The following PER2 variants were observed in gnomAD, a reference collection of about 807,000 sequenced individuals.
The protein encoded by PER2 is period circadian protein homolog 2.
PER2 carries 66 observed loss-of-function variants against 121.0 expected under a neutral mutation model. The ratio of observed to expected loss-of-function variants is 0.55; its 90% CI spans 0.45 to 0.67. The LOEUF is 0.67. Ranked by LOEUF, PER2 falls within the 30% of genes least tolerant of loss-of-function variation. The pLI, the probability that PER2 is intolerant of heterozygous loss-of-function variation, is 0.00. For synonymous variants in PER2, 684 were observed against 659.9 expected, an observed-to-expected ratio of 1.04 and a Z score of -0.56; for missense variants, 1,521 against 1,635.0, an observed-to-expected ratio of 0.93 and a Z score of 1.20.
Position 238,253,548 on chromosome 2 carries a change from G to A in PER2, c.2475C>T (p.Gly825=). ...AGGGTGACCAGGCTGTGGCGTTCAA[G>A]CCCACCAGCGGGGGCCGGGCGGACA... The part of the protein sequence containing the change: ...GPVSARPPLV[G]LNATAWSPSD... Residue 825 remains glycine (G), a synonymous_variant, in exon 19 of 23, where the codon GGC becomes GGT. Transcript: ENST00000254657. This position sits in a 1 kb window ranked among gnomAD's most constrained non-coding sequence, Gnocchi z 5.6. 2 of 1,611,168 alleles carry A rather than the reference G, an allele frequency of 1.2e-6. No individual in the cohort carries two copies. The highest frequency in any genetic ancestry group is 1.1e-5 in the South Asian group (1 of 90,808).
intron 9 of PER2, among the ~76,000 whole-genome samples, chr2:238,264,937 G>C (rs1368348138): frequency 2.6e-5 from 4 of 152,198 alleles, no homozygotes; most frequent in African/African-American, 7.2e-5. Context: ...ACTGCACCTA[G>C]CCGGCCCAAG....
At chr2:238,290,374 G>T (rs965497008), upstream of PER2, among the ~76,000 whole-genome samples, 2 of 151,126 alleles carry the variant, frequency 1.3e-5, no homozygotes, top group African/African-American at 4.9e-5. Context: ...AGGCTCTTTT[G>T]TTTCTTCCCT....
chr2:238,276,138 G>A (rs900686490), intron 3 of PER2, among the ~76,000 whole-genome samples: 1 of 146,126 alleles, frequency 6.8e-6, no homozygotes, highest in African/African-American at 2.6e-5. Context: ...TGGTCTGGGT[G>A]GCCCTTTGTG....
chr2:238,275,684 T>G (rs1042618929), intron 4 of PER2, 59 bp downstream of exon 4: 29 of 1,539,454 alleles, frequency 1.9e-5, no homozygotes, highest in Middle Eastern at 2.2e-4. Flanking sequence ...AAGCTATAAT[T>G]TGGGGGGATT....
At chr2:238,269,104 C>A in intron 6 of PER2, 130 bp from the exon 7 acceptor site, 1 of 738,106 alleles carries the variant, frequency 1.4e-6, no homozygotes, top group Non-Finnish European at 2.4e-6. Context: ...TTTATGGAAG[C>A]ACAAAGTAAA....
At chr2:238,287,418 G>T (rs746986068) in intron 1 of PER2, among the ~76,000 whole-genome samples, 1 of 152,260 alleles carries the variant, frequency 6.6e-6, no homozygotes, top group Non-Finnish European at 1.5e-5. Context: ...AGAAGCCCCA[G>T]GTGGGGGTAG....
rs1293782168 is a variant in PER2 at position 238,269,022 on chromosome 2, C to T, written c.773-48G>A. On this transcript the variant is annotated intron_variant, in intron 6 of 22. Transcript: ENST00000254657. Reference sequence around the variant, plus strand: ...ATTCATCCAAACCAACAACTAAATACAGTGTTCCTCATTTCTCACAAACAA... The same window carrying T: ...ATTCATCCAAACCAACAACTAAATATAGTGTTCCTCATTTCTCACAAACAA... 3.7e-6 allele frequency: 5 copies of T among 1,339,842 alleles called. No homozygotes were observed. In the African/African-American group the frequency reaches 5.7e-5, roughly 15 times the overall value. 83.0% of individuals were successfully genotyped at this position (1,339,842 alleles called of 1,614,324 possible).
In PER2 at chr2:238,250,588, C is replaced by A. The variant is rs772163525; in HGVS notation, c.3430G>T (p.Asp1144Tyr). The change falls in exon 21 of 23, where the codon GAC (aspartate) becomes TAC (tyrosine). Residue 1144 changes from aspartate (D) to tyrosine (Y), a missense_variant. Coordinates refer to ENST00000254657, the MANE Select transcript of PER2 (RefSeq NM_022817.3). ...DPIWLLMADA[D>Y]SSVMMTYQLP... ...TGGTACGTCATCATGACGCTGCTGTCCGCATCTGCCATCAGCAGCCAGATG... is the reference window on the plus strand; with the variant it reads ...TGGTACGTCATCATGACGCTGCTGTACGCATCTGCCATCAGCAGCCAGATG... The A allele has an allele frequency of 6.2e-7, 1 of 1,613,572 alleles. No individual in the cohort carries two copies. Among genetic ancestry groups the A allele is most frequent in the East Asian group, 2.2e-5 (1 of 44,882 alleles).
At position 238,256,971 on chromosome 2, in the gene PER2, G is replaced by A. The variant is rs1695780641; in HGVS notation, c.2016C>T (p.Tyr672=). Residue 672 remains tyrosine (Y), a synonymous_variant, in exon 17 of 23, where the codon TAC becomes TAT. Transcript: ENST00000254657. ...CTCCCACATGGACGATGGTGCTGCTGTAGCTGCACTGGCTGGTGAGCGACG... is the reference window on the plus strand; with the variant it reads ...CTCCCACATGGACGATGGTGCTGCTATAGCTGCACTGGCTGGTGAGCGACG... ...SVASLTSQCS[Y]SSTIVHVGDK... 2.5e-6 allele frequency: 4 copies of A among 1,614,064 alleles called. No homozygotes were observed. In the South Asian group the frequency reaches 3.3e-5, roughly 13 times the overall value.
At position 238,273,925 on chromosome 2, in the gene PER2, CAA is replaced by C. The variant is rs529641117; in HGVS notation, c.449-736_449-735del. ...TCATGATCTGCCCGCCTCGGCCTCC[CAA>C]AGTGCTGGGATTACAGGCGTGAGCC... is the stretch of plus-strand genomic sequence containing the variant. On this transcript the variant is annotated intron_variant, in intron 4 of 22. Coordinates refer to ENST00000254657, the MANE Select transcript of PER2 (RefSeq NM_022817.3). Among the ~76,000 whole-genome samples, 279 of 152,326 alleles carry C rather than the reference CAA, an allele frequency of 1.8e-3. 2 individuals carry two copies. Among genetic ancestry groups the C allele is most frequent in the Non-Finnish European group, 3.1e-3 (212 of 68,026 alleles).
In PER2 at chr2:238,253,013, T is replaced by G; in HGVS notation, c.3010A>C (p.Thr1004Pro). ...GCCCCTGTGGTCCCCATGGCTCCAG[T>G]GCCACCCTCAGGGGCTTCCTCCAGC... Reference protein sequence around the residue: ...LQLEEAPEGGTGAMGTTGATE... With the variant: ...LQLEEAPEGGPGAMGTTGATE... Residue 1004 changes from threonine (T) to proline (P), a missense_variant, in exon 19 of 23, where the codon ACT becomes CCT. Thr to Pro is a conservative substitution (Grantham distance 38). Transcript: ENST00000254657. This position sits in a 1 kb window ranked among gnomAD's most constrained non-coding sequence, Gnocchi z 5.6. The G allele has an allele frequency of 6.2e-7, 1 of 1,613,928 alleles. No homozygotes were observed. Among genetic ancestry groups the G allele is most frequent in the Non-Finnish European group, 8.5e-7 (1 of 1,180,010 alleles).
rs936894537 is a variant in PER2 at position 238,256,414 on chromosome 2, T to G, written c.2066-503A>C. ...TTCCTTATCATTTCCCTCTTCTTAG[T>G]AAAGAACAAATTCAGGATTCATTTT... On this transcript the variant is annotated intron_variant, in intron 17 of 22. Coordinates refer to ENST00000254657, the MANE Select transcript of PER2 (RefSeq NM_022817.3). Among the ~76,000 whole-genome samples the G allele has an allele frequency of 2.0e-5, 3 of 152,304 alleles. No homozygotes were observed. In the South Asian group the frequency reaches 6.2e-4, roughly 32 times the overall value.
Position 238,246,143 on chromosome 2 carries a change from A to G in PER2, c.*232T>C, listed in dbSNP as rs1234679750. 7.2e-6 allele frequency: 2 copies of G among 276,458 alleles called. No homozygotes were observed. Among genetic ancestry groups the G allele is most frequent in the Non-Finnish European group, 1.3e-5 (2 of 150,800 alleles). 17.1% of individuals were successfully genotyped at this position (276,458 alleles called of 1,614,324 possible). A position where few individuals can be genotyped will look rare whatever the true frequency, so the allele number is the denominator to read the frequency against. On this transcript the variant is annotated 3_prime_UTR_variant, in exon 23 of 23. Transcript: ENST00000254657. ...ACTAAAATCTCTTCCCCATCCCACAAAACTCCACATATATATTTTATATAT... is the reference window on the plus strand; with the variant it reads ...ACTAAAATCTCTTCCCCATCCCACAGAACTCCACATATATATTTTATATAT...
At position 238,258,542 on chromosome 2, in the gene PER2, G is replaced by C; in HGVS notation, c.1730C>G (p.Pro577Arg). The stretch of plus-strand genomic sequence containing the variant: ...GCTGATCTGCTGGTAGGAGCAGGTG[G>C]GCTGGTTCTTGCAGGCCAACTCCTC... Reference protein sequence around the residue: ...FPEELACKNQPTCSYQQISCL... With the variant: ...FPEELACKNQRTCSYQQISCL... Residue 577 changes from proline to arginine, a missense_variant, in exon 15 of 23, where the codon CCC (proline) becomes CGC (arginine). Pro to Arg is a moderately radical substitution (Grantham distance 103). Transcript: ENST00000254657. The C allele has an allele frequency of 4.3e-6, 7 of 1,614,086 alleles. No individual in the cohort carries two copies. Among genetic ancestry groups the C allele is most frequent in the Non-Finnish European group, 5.9e-6 (7 of 1,179,976 alleles).
Position 238,245,691 on chromosome 2 carries a change from G to A in PER2, c.*684C>T. On this transcript the variant is annotated 3_prime_UTR_variant, in exon 23 of 23. Coordinates refer to ENST00000254657, the MANE Select transcript of PER2 (RefSeq NM_022817.3). ...TCTGCGTGTGCATTCATCCGATGGA[G>A]TTGGCCACACAAACCACTAGGCTTC... The A allele has an allele frequency of 2.5e-6, 1 of 398,668 alleles. No homozygotes were observed. 24.7% of individuals were successfully genotyped at this position (398,668 alleles called of 1,614,324 possible).
intron 16 of PER2, 149 bp downstream of exon 16, chr2:238,258,127 A>G: frequency 1.1e-6 from 1 of 879,074 alleles, no homozygotes; most frequent in South Asian, 1.4e-5. Context: ...CTAGTTCCTA[A>G]GAAGGGTGCT....
Position 238,265,904 on chromosome 2 carries a change from AT to A in PER2, c.968-315del, listed in dbSNP as rs759618918. The stretch of plus-strand genomic sequence containing the variant: ...ATAAAGCTGGAAGGCCATCTTTACG[AT>A]TTTTTTTTTTTTTTTTGAGACAGAG... On this transcript the variant is annotated intron_variant, in intron 8 of 22. Coordinates refer to ENST00000254657, the MANE Select transcript of PER2 (RefSeq NM_022817.3). Among the ~76,000 whole-genome samples, 1,114 of 140,542 alleles carry A rather than the reference AT, an allele frequency of 7.9e-3. 6 individuals carry two copies. Among genetic ancestry groups the A allele is most frequent in the South Asian group, 0.013 (57 of 4,372 alleles). The allele number at this position is 140,542 out of a possible 152,430, so 92.2% of individuals were successfully genotyped here.
In PER2 at chr2:238,262,404, G is replaced by C. The variant is rs1695964325; in HGVS notation, c.1154-60C>G. On this transcript the variant is annotated intron_variant, in intron 10 of 22. Transcript: ENST00000254657. ...GGGAGCAAACAGGATTTATAGTAGAGAGAGACAAGTCAAGAGTCACTCAGG... is the reference window on the plus strand; with the variant it reads ...GGGAGCAAACAGGATTTATAGTAGACAGAGACAAGTCAAGAGTCACTCAGG... 4 of 1,556,056 alleles carry C rather than the reference G, an allele frequency of 2.6e-6. No individual in the cohort carries two copies. The East Asian group carries it at 9.0e-5, about 35-fold the overall frequency.
At position 238,262,314 on chromosome 2, in the gene PER2, T is replaced by G. The variant is rs1045280801; in HGVS notation, c.1184A>C (p.Tyr395Ser). The change falls in exon 11 of 23, where the codon TAT (tyrosine) becomes TCT (serine). Residue 395 changes from tyrosine (Y) to serine (S), a missense_variant. Physicochemically the swap from Tyr to Ser is moderately radical, Grantham distance 144 (BLOSUM62 -2). Coordinates refer to ENST00000254657, the MANE Select transcript of PER2 (RefSeq NM_022817.3). Reference sequence around the variant, plus strand: ...CCGGGCGCGAAACCGAATGGGAGAATAGTCGAAAGGCTGCCCGCCTGACTG... The same window carrying G: ...CCGGGCGCGAAACCGAATGGGAGAAGAGTCGAAAGGCTGCCCGCCTGACTG... ...ILQSGGQPFD[Y>S]SPIRFRARNG... is the part of the protein sequence containing the mutation. 3 of 1,613,790 alleles carry G rather than the reference T, an allele frequency of 1.9e-6. No homozygotes were observed. The highest frequency in any genetic ancestry group is 2.7e-5 in the African/African-American group (2 of 74,840).
Sources: allele counts gnomAD v4.1 joint callset (sites outside exome capture counted in the v4.1 genomes callset), GRCh38; gene constraint gnomAD v4.1.1; non-coding constraint Gnocchi (gnomAD v3.1); transcripts MANE v1.5; gene names NCBI Gene and HGNC (gene_info 2026-07-23, HGNC 2026-07-21).